Variants in ENOX1 observed in about 807,000 individuals in gnomAD.
The protein encoded by ENOX1 is ecto-NOX disulfide-thiol exchanger 1, also known as candidate growth-related and time keeping constitutive hydroquinone (NADH) oxidase.
Under a neutral mutation model 82.5 loss-of-function variants are expected in ENOX1, and 42 were observed. The observed-to-expected ratio is 0.51, with a 90% CI of 0.40 to 0.66. The LOEUF (loss-of-function observed/expected upper bound fraction) is 0.66, where lower values mean the gene tolerates loss of function less well. Among genes scored for constraint, ENOX1 ranks in the 30% least tolerant of loss-of-function variants. ENOX1 has a pLI of 0.00. For synonymous variants in ENOX1, 271 were observed against 282.2 expected (o/e 0.96, Z 0.40); for missense variants, 608 against 811.6 (o/e 0.75, Z 3.05).
In ENOX1 at chr13:43,412,939, A is replaced by G. The variant is rs571214394; in HGVS notation, c.-25T>C. The stretch of plus-strand genomic sequence containing the variant: ...TTGAATTATGAGTGTCCAGAGGGGC[A>G]GGAACACTTTGATGGCTGAGTGCAG... On this transcript the variant is annotated 5_prime_UTR_variant, in exon 4 of 17. Transcript: ENST00000690772. The G allele has an allele frequency of 6.2e-7, 1 of 1,613,562 alleles. No individual in the cohort carries two copies. The highest frequency in any genetic ancestry group is 1.1e-5 in the South Asian group (1 of 90,982).
Position 43,667,597 on chromosome 13 carries a change from G to T in ENOX1, c.-284-53C>A, listed in dbSNP as rs1306289505. On this transcript the variant is annotated intron_variant, in intron 1 of 16. Transcript: ENST00000690772. Reference sequence around the variant, plus strand: ...AAAAACTTCAAACATCAATTTCAGAGAGCTGACTGAACATATATATGTAAG... The same window carrying T: ...AAAAACTTCAAACATCAATTTCAGATAGCTGACTGAACATATATATGTAAG... 4 of 584,792 alleles carry T rather than the reference G, an allele frequency of 6.8e-6. No individual in the cohort carries two copies. The African/African-American group carries it at 8.1e-5, about 12-fold the overall frequency. 36.2% of individuals were successfully genotyped at this position (584,792 alleles called of 1,614,324 possible).
At chr13:43,561,843 G>C (rs2079685568) in intron 2 of ENOX1, among the ~76,000 whole-genome samples, 2 of 152,080 alleles carry the variant, frequency 1.3e-5, no homozygotes, top group African/African-American at 4.8e-5. Flanking sequence ...AGCCAGGCGT[G>C]ATGGTGTACA....
chr13:43,778,520 C>G (rs978366759), intron 1 of ENOX1, among the ~76,000 whole-genome samples: 1 of 152,118 alleles, frequency 6.6e-6, no homozygotes, highest in Non-Finnish European at 1.5e-5. Flanking sequence ...ACTAGGTCTT[C>G]CAGAAACTGA....
intron 3 of ENOX1, among the ~76,000 whole-genome samples, chr13:43,456,814 GA>G (rs2057254362): frequency 6.6e-6 from 1 of 152,144 alleles, no homozygotes; most frequent in Non-Finnish European, 1.5e-5. Flanking sequence ...CTGTTGGTCT[GA>G]AGCTCCTGGC....
intron 1 of ENOX1, among the ~76,000 whole-genome samples, chr13:43,771,318 C>T (rs1951585914): frequency 6.6e-6 from 1 of 152,080 alleles, no homozygotes; most frequent in Admixed American, 6.6e-5. Flanking sequence ...CCCTGACTGT[C>T]GCTAGGTATC....
chr13:43,542,868 T>TC (rs748827535), intron 2 of ENOX1, among the ~76,000 whole-genome samples: 17 of 152,162 alleles, frequency 1.1e-4, no homozygotes, highest in Non-Finnish European at 2.1e-4. Context: ...AGGGCTCGCT[T>TC]CCTGGTTCAT....
chr13:43,511,085 T>C (rs1445461994), intron 2 of ENOX1, among the ~76,000 whole-genome samples: 1 of 152,184 alleles, frequency 6.6e-6, no homozygotes, highest in Non-Finnish European at 1.5e-5. Flanking sequence ...TTTAGTTCCT[T>C]AAAGAGCTCA....
intron 14 of ENOX1, among the ~76,000 whole-genome samples, chr13:43,259,805 G>T (rs930423438): frequency 2.6e-5 from 4 of 152,038 alleles, no homozygotes; most frequent in Non-Finnish European, 5.9e-5. Context: ...TGTGGGTTGG[G>T]GTGAGGAAGG....
intron 5 of ENOX1, among the ~76,000 whole-genome samples, chr13:43,369,032 T>C (rs1435253130): frequency 1.9e-4 from 11 of 59,194 alleles, no homozygotes; most frequent in Non-Finnish European, 5.6e-4. Context: ...TTGCCCATTC[T>C]TTTTTTTTTA....
At chr13:43,729,402 T>C (rs1409494665) in intron 1 of ENOX1, among the ~76,000 whole-genome samples, 1 of 152,136 alleles carries the variant, frequency 6.6e-6, no homozygotes, top group Non-Finnish European at 1.5e-5. Flanking sequence ...ATATGTCTAA[T>C]ATAAACACAA....
At chr13:43,355,863 G>A (rs1424127035) in intron 8 of ENOX1, 56 bp downstream of exon 8, 1 of 1,526,336 alleles carries the variant, frequency 6.6e-7, no homozygotes, top group Non-Finnish European at 9.0e-7. Context: ...AACGCACAGG[G>A]TTCCGTGTCT....
At chr13:43,586,522 T>C (rs182794818) in intron 2 of ENOX1, among the ~76,000 whole-genome samples, 2 of 152,328 alleles carry the variant, frequency 1.3e-5, no homozygotes, top group Non-Finnish European at 2.9e-5. Flanking sequence ...AGTGAGCTCC[T>C]TGAGGGCTGG....
intron 2 of ENOX1, among the ~76,000 whole-genome samples, chr13:43,606,140 G>C (rs2081966943): frequency 1.3e-5 from 2 of 152,000 alleles, no homozygotes; most frequent in Admixed American, 6.6e-5. Flanking sequence ...ATGTCTTTTA[G>C]CCAAAAGTCA....
intron 2 of ENOX1, among the ~76,000 whole-genome samples, chr13:43,538,176 G>A (rs1219140901): frequency 6.6e-6 from 1 of 152,174 alleles, no homozygotes; most frequent in Non-Finnish European, 1.5e-5. Flanking sequence ...CTCAGGTAAT[G>A]CCTAACTTAA....
At chr13:43,550,120 T>A (rs573960272) in intron 2 of ENOX1, among the ~76,000 whole-genome samples, 5 of 152,216 alleles carry the variant, frequency 3.3e-5, no homozygotes, top group Admixed American at 2.6e-4. Flanking sequence ...CCTTCGGTGA[T>A]CTGATAGGAG....
intron 1 of ENOX1, among the ~76,000 whole-genome samples, chr13:43,685,873 AACACACACACACACACACACACACAC>A (rs60259011): frequency 1.4e-5 from 2 of 141,422 alleles, no homozygotes; most frequent in Admixed American, 7.1e-5. Context: ...CCCAGAAGGA[AACACACACACACACACACACACACAC>A]ACACACACAC....
At chr13:43,299,047 C>CA (rs1363992287) in intron 11 of ENOX1, among the ~76,000 whole-genome samples, 2 of 152,272 alleles carry the variant, frequency 1.3e-5, no homozygotes, top group East Asian at 3.9e-4. Flanking sequence ...ACTGCTGGGA[C>CA]AAATTGCACA....
At chr13:43,531,093 A>C (rs1283637704) in intron 2 of ENOX1, among the ~76,000 whole-genome samples, 3 of 151,960 alleles carry the variant, frequency 2.0e-5, no homozygotes. Flanking sequence ...TTTTACAAGA[A>C]GTAAATAATA....
At chr13:43,317,018 T>C (rs2047538528) in intron 11 of ENOX1, among the ~76,000 whole-genome samples, 1 of 152,232 alleles carries the variant, frequency 6.6e-6, no homozygotes, top group African/African-American at 2.4e-5. Context: ...CTATTTCTCT[T>C]TCAGGAGATG....
Sources: allele counts gnomAD v4.1 joint callset (sites outside exome capture counted in the v4.1 genomes callset), GRCh38; gene constraint gnomAD v4.1.1; transcripts MANE v1.5; gene names NCBI Gene and HGNC (gene_info 2026-07-23, HGNC 2026-07-21).